The following RASA3 variants were observed in gnomAD, a reference collection of about 807,000 sequenced individuals.
The protein encoded by RASA3 is RAS p21 protein activator 3, also known as ras GTPase-activating protein 3.
A neutral mutation model predicts 110.0 loss-of-function variants in RASA3; 73 were observed. The observed-to-expected ratio is 0.66, with a 90% CI of 0.55 to 0.81. The LOEUF (loss-of-function observed/expected upper bound fraction) is 0.81. Ranked by LOEUF, RASA3 falls within the 30% of genes least tolerant of loss-of-function variation. The probability of loss-of-function intolerance (pLI) is 0.00; values close to 1 mark genes in which losing one functional copy is unlikely to be tolerated. For synonymous variants in RASA3, 500 were observed against 451.4 expected (o/e 1.11, Z -1.37); for missense variants, 976 against 1,113.2 (o/e 0.88, Z 1.75).
Position 114,057,295 on chromosome 13 carries a change from G to A in RASA3, c.174-5140C>T, listed in dbSNP as rs1401870152. The A allele has an allele frequency of 5.1e-6, 5 of 985,258 alleles. No individual in the cohort carries two copies. Among genetic ancestry groups the A allele is most frequent in the Non-Finnish European group, 6.0e-6 (5 of 829,932 alleles). The allele number at this position is 985,258 out of a possible 1,614,324, so 61.0% of individuals were successfully genotyped here. A position where few individuals can be genotyped will look rare whatever the true frequency, so the allele number is the denominator to read the frequency against. ...CCAGGCAGGACATCTGCAGGCGGCC[G>A]GCCAGCCTTATCAACGGAGCTCTGA... On this transcript the variant is annotated intron_variant, in intron 2 of 23. Coordinates refer to ENST00000334062, the MANE Select transcript of RASA3 (RefSeq NM_007368.4). The surrounding 1 kb of genome is among the most constrained non-coding windows in gnomAD (Gnocchi z 5.0).
In RASA3 at chr13:114,040,889, G is replaced by A. The variant is rs562431896; in HGVS notation, c.372+111C>T. ...CGCAATCTGCTCATCGTTATTCCCA[G>A]TCAAGGCCGAAGCCCGATCTACGTC... On this transcript the variant is annotated intron_variant, in intron 4 of 23. Coordinates refer to ENST00000334062, the MANE Select transcript of RASA3 (RefSeq NM_007368.4). The A allele has an allele frequency of 4.9e-6, 5 of 1,011,012 alleles. No individual in the cohort carries two copies. In the East Asian group the frequency reaches 7.1e-5, roughly 14 times the overall value. 62.6% of individuals were successfully genotyped at this position (1,011,012 alleles called of 1,614,324 possible).
chr13:114,080,929 G>T (rs1422894386), intron 1 of RASA3, among the ~76,000 whole-genome samples: 1 of 151,480 alleles, frequency 6.6e-6, no homozygotes. Context: ...CGTCCACCTA[G>T]AACACCAATA....
chr13:114,021,081 C>T (rs1254845692), intron 9 of RASA3, among the ~76,000 whole-genome samples: 1 of 152,050 alleles, frequency 6.6e-6, no homozygotes, highest in Non-Finnish European at 1.5e-5. Context: ...CCCACTTTCA[C>T]CCAGGATCAG....
intron 3 of RASA3, among the ~76,000 whole-genome samples, chr13:114,045,555 C>T (rs1417223006): frequency 6.6e-6 from 1 of 152,046 alleles, no homozygotes. Context: ...TGTGTCCCAG[C>T]CAGGGCCACG....
At chr13:114,127,048 C>A (rs1241884042) in intron 1 of RASA3, among the ~76,000 whole-genome samples, 1 of 152,194 alleles carries the variant, frequency 6.6e-6, no homozygotes, top group Admixed American at 6.5e-5. Context: ...CTGTTTCCAG[C>A]CAATACGTCC....
chr13:114,091,912 A>G (rs1367261857), intron 1 of RASA3, among the ~76,000 whole-genome samples: 1 of 152,012 alleles, frequency 6.6e-6, no homozygotes, highest in East Asian at 1.9e-4. Context: ...GGTAGGTTGT[A>G]TGTGTCCAGG....
intron 23 of RASA3, among the ~76,000 whole-genome samples, chr13:113,980,888 G>T (rs1594269616): frequency 6.6e-6 from 1 of 152,186 alleles, no homozygotes; most frequent in South Asian, 2.1e-4. Context: ...GGAGGAGAGA[G>T]GGAGGATCGA....
intron 2 of RASA3, among the ~76,000 whole-genome samples, chr13:114,053,906 A>C (rs1222414459): frequency 6.6e-6 from 1 of 152,246 alleles, no homozygotes; most frequent in African/African-American, 2.4e-5. Flanking sequence ...CTAACGAATC[A>C]CCTAAGATCA....
Position 114,056,313 on chromosome 13 carries a change from C to T in RASA3, c.174-4158G>A, listed in dbSNP as rs553022910. The stretch of plus-strand genomic sequence containing the variant: ...TGCGTGTCCGGTGCGTGGTGAGGGG[C>T]GGTGAGATGAGGATGCCAGCGCTAA... On this transcript the variant is annotated intron_variant, in intron 2 of 23. Coordinates refer to ENST00000334062, the MANE Select transcript of RASA3 (RefSeq NM_007368.4). This position sits in a 1 kb window ranked among gnomAD's most constrained non-coding sequence, Gnocchi z 5.7. 18 of 346,404 alleles carry T rather than the reference C, an allele frequency of 5.2e-5. No individual in the cohort carries two copies. The highest frequency in any genetic ancestry group is 1.4e-3 in the Middle Eastern group (1 of 718). The allele number at this position is 346,404 out of a possible 1,614,324, so 21.5% of individuals were successfully genotyped here.
At chr13:114,104,444 C>T (rs2080106757) in intron 1 of RASA3, among the ~76,000 whole-genome samples, 1 of 152,194 alleles carries the variant, frequency 6.6e-6, no homozygotes. Context: ...CAGTCCACAG[C>T]CCATACCCCA....
intron 1 of RASA3, among the ~76,000 whole-genome samples, chr13:114,108,398 C>T (rs559147496): frequency 7.6e-6 from 1 of 132,302 alleles, no homozygotes; most frequent in Admixed American, 7.4e-5. Flanking sequence ...ACCCCATGTC[C>T]GTCACCCCAT....
At chr13:114,116,694 G>A (rs2080279614) in intron 1 of RASA3, among the ~76,000 whole-genome samples, 1 of 152,242 alleles carries the variant, frequency 6.6e-6, no homozygotes, top group South Asian at 2.1e-4. Flanking sequence ...TATTCACATG[G>A]AGCCTGCAGG....
chr13:114,017,972 G>T, intron 11 of RASA3, 132 bp downstream of exon 11: 1 of 1,066,930 alleles, frequency 9.4e-7, no homozygotes, highest in Non-Finnish European at 1.3e-6. Flanking sequence ...AAGAAAACCT[G>T]AATCAACATG....
At chr13:114,077,078 G>C (rs2079697058) in intron 1 of RASA3, among the ~76,000 whole-genome samples, 1 of 152,182 alleles carries the variant, frequency 6.6e-6, no homozygotes, top group Non-Finnish European at 1.5e-5. Context: ...GCTTTTGAAA[G>C]TCCTGTGGGA....
chr13:114,087,795 C>G (rs2079841279), intron 1 of RASA3, among the ~76,000 whole-genome samples: 1 of 152,252 alleles, frequency 6.6e-6, no homozygotes, highest in Admixed American at 6.5e-5. Context: ...GCAACACACA[C>G]AGCCTGATTC....
At chr13:114,122,862 A>G (rs552176867) in intron 1 of RASA3, among the ~76,000 whole-genome samples, 1 of 151,596 alleles carries the variant, frequency 6.6e-6, no homozygotes, top group South Asian at 2.1e-4. Context: ...GGCTGCCATG[A>G]CAGCTGCCAC....
intron 20 of RASA3, among the ~76,000 whole-genome samples, chr13:113,998,530 G>C (rs887785375): frequency 2.0e-5 from 3 of 152,236 alleles, no homozygotes; most frequent in Admixed American, 6.5e-5. Context: ...GCATGTGTCA[G>C]GGTACGGGGT....
chr13:114,019,757 TGGGTGG>T, intron 9 of RASA3, among the ~76,000 whole-genome samples: 1 of 136,288 alleles, frequency 7.3e-6, no homozygotes, highest in African/African-American at 2.8e-5. Context: ...CCCCGTCAGG[TGGGTGG>T]AGCCTGTGTC....
intron 5 of RASA3, among the ~76,000 whole-genome samples, chr13:114,028,308 C>A (rs1483809408): frequency 2.0e-5 from 2 of 98,156 alleles, no homozygotes; most frequent in Non-Finnish European, 4.1e-5. Flanking sequence ...CATCTGGGAG[C>A]CAGGATCTCT....
Sources: allele counts gnomAD v4.1 joint callset (sites outside exome capture counted in the v4.1 genomes callset), GRCh38; gene constraint gnomAD v4.1.1; non-coding constraint Gnocchi (gnomAD v3.1); transcripts MANE v1.5; gene names NCBI Gene and HGNC (gene_info 2026-07-23, HGNC 2026-07-21).